Variants in SLC47A2 observed in about 807,000 individuals in gnomAD.
SLC47A2 encodes the protein multidrug and toxin extrusion protein 2.
In SLC47A2, 52 loss-of-function variants were observed where a neutral mutation model predicts 67.7. The observed-to-expected ratio is 0.77, with a 90% CI of 0.61 to 0.97. The LOEUF (loss-of-function observed/expected upper bound fraction) is 0.97. Ranked by LOEUF, SLC47A2 falls within the 50% of genes least tolerant of loss-of-function variation. SLC47A2 has a pLI of 0.00. For missense variants in SLC47A2, 676 were observed against 712.3 expected (o/e 0.95, Z 0.58); for synonymous variants, 278 against 292.9 (o/e 0.95, Z 0.52).
chr17:19,701,015 A>G (rs1338558237), intron 13 of SLC47A2, among the ~76,000 whole-genome samples: 1 of 151,644 alleles, frequency 6.6e-6, no homozygotes, highest in Non-Finnish European at 1.5e-5. Flanking sequence ...TAAAAATACA[A>G]AAATTAGCCA....
intron 13 of SLC47A2, among the ~76,000 whole-genome samples, chr17:19,686,262 C>CAAAT: frequency 6.6e-6 from 1 of 152,080 alleles, no homozygotes. Flanking sequence ...GACCCTGTCT[C>CAAAT]AAATAAATAA....
At chr17:19,706,553 C>T (rs2085940758) in intron 9 of SLC47A2, 95 bp downstream of exon 9, 1 of 1,024,394 alleles carries the variant, frequency 9.8e-7, no homozygotes, top group Non-Finnish European at 1.4e-6. Flanking sequence ...GGGGAGGGGG[C>T]TTCTGGGATG....
chr17:19,707,601 A>C, intron 8 of SLC47A2, 145 bp downstream of exon 8: 1 of 647,376 alleles, frequency 1.5e-6, no homozygotes, highest in Non-Finnish European at 2.6e-6. Context: ...TGGGGAAGCA[A>C]AGGGGAAGGA....
intron 13 of SLC47A2, among the ~76,000 whole-genome samples, chr17:19,699,074 T>C (rs1157823966): frequency 1.3e-5 from 2 of 152,094 alleles, no homozygotes; most frequent in African/African-American, 2.4e-5. Flanking sequence ...AATGATTCTA[T>C]TGGTGAAAGA....
At chr17:19,692,849 C>T (rs184474251) in intron 13 of SLC47A2, among the ~76,000 whole-genome samples, 40 of 152,216 alleles carry the variant, frequency 2.6e-4, no homozygotes, top group Admixed American at 5.9e-4. Context: ...GAGGTTTATC[C>T]GGGCCAGGCG....
In SLC47A2 at chr17:19,679,961, G is replaced by T; in HGVS notation, c.1471C>A (p.Leu491Ile). The change falls in exon 16 of 17, where the codon CTA becomes ATA. Residue 491 changes from leucine to isoleucine, a missense_variant. Physicochemically the swap from Leu to Ile is conservative, Grantham distance 5. Transcript: ENST00000433844. ...GCGGTGACAGTATTACCTGAAGATA[G>T]GACTGCTTTCTCAGGCCCAGGTCTG... Reference protein sequence around the residue: ...ATRPGPEKAVLSSVATGSSPG... With the variant: ...ATRPGPEKAVISSVATGSSPG... 10 of 1,613,612 alleles carry T rather than the reference G, an allele frequency of 6.2e-6. No homozygotes were observed. Among genetic ancestry groups the T allele is most frequent in the Non-Finnish European group, 8.5e-6 (10 of 1,179,816 alleles).
chr17:19,685,176 C>T lies in SLC47A2; in HGVS notation c.1165-3506G>A, dbSNP rs1167950840. ...TGTTGCCCAGGCTGGAGTGCAGTGGCGTGATCTCGGCTTGCTACAACCTCC... is the reference window on the plus strand; with the variant it reads ...TGTTGCCCAGGCTGGAGTGCAGTGGTGTGATCTCGGCTTGCTACAACCTCC... On this transcript the variant is annotated intron_variant, in intron 13 of 16. Transcript: ENST00000433844. This position sits in a 1 kb window ranked among gnomAD's most constrained non-coding sequence, Gnocchi z 4.5. 6.6e-6 allele frequency among the ~76,000 whole-genome samples: 1 copy of T among 152,112 alleles called. No homozygotes were observed. The highest frequency in any genetic ancestry group is 1.5e-5 in the Non-Finnish European group (1 of 68,022).
At position 19,680,026 on chromosome 17, in the gene SLC47A2, G is replaced by C. The variant is rs138877791; in HGVS notation, c.1406C>G (p.Ser469Ter). The C allele has an allele frequency of 1.4e-5, 22 of 1,613,830 alleles. No individual in the cohort carries two copies. The African/African-American group carries it at 2.8e-4, about 21-fold the overall frequency. The change falls in exon 16 of 17, where the codon TCA (serine) becomes TGA (stop). Residue 469 changes from serine to a stop codon, truncating the protein, a stop_gained. Transcript: ENST00000433844. LOFTEE classifies it high-confidence loss of function. The part of the protein sequence containing the change: ...KLAAEEAKKH[S>*]GRQQQQRAES... ...TGCTCTCTGCTGCTGCTGCCGGCCT[G>C]AATGTTTCTTAGCCTAAAGGAGAAA...
In SLC47A2 at chr17:19,678,523, C is replaced by T; in HGVS notation, c.*163G>A. The T allele has an allele frequency of 1.5e-6, 1 of 678,548 alleles. No homozygotes were observed. The highest frequency in any genetic ancestry group is 2.5e-6 in the Non-Finnish European group (1 of 396,652). 42.0% of individuals were successfully genotyped at this position (678,548 alleles called of 1,614,324 possible). A position where few individuals can be genotyped will look rare whatever the true frequency, so the allele number is the denominator to read the frequency against. On this transcript the variant is annotated 3_prime_UTR_variant, in exon 17 of 17. Transcript: ENST00000433844. Reference sequence around the variant, plus strand: ...CAGAATTGTCAAGTCTGTTCAGACCCCTCTGAGTGTCACCACAAGGAATCA... The same window carrying T: ...CAGAATTGTCAAGTCTGTTCAGACCTCTCTGAGTGTCACCACAAGGAATCA...
At chr17:19,712,780 G>C in intron 4 of SLC47A2, 35 bp from the exon 5 acceptor site, 1 of 1,606,372 alleles carries the variant, frequency 6.2e-7, no homozygotes, top group South Asian at 1.1e-5. Context: ...AGCTGACCAG[G>C]CTGTGGCCCG....
Position 19,680,055 on chromosome 17 carries a change from C to G in SLC47A2, c.1393-16G>C, listed in dbSNP as rs369423294. 2.8e-4 allele frequency: 444 copies of G among 1,612,168 alleles called. No individual in the cohort carries two copies. Among genetic ancestry groups the G allele is most frequent in the Non-Finnish European group, 3.6e-4 (425 of 1,179,320 alleles). Reference sequence around the variant, plus strand: ...GTTTCTTAGCCTAAAGGAGAAAGAACTCAATTGGGTCAACCTGCCAGCTCA... The same window carrying G: ...GTTTCTTAGCCTAAAGGAGAAAGAAGTCAATTGGGTCAACCTGCCAGCTCA... On this transcript the variant is annotated splice_polypyrimidine_tract_variant and intron_variant, in intron 15 of 16. Coordinates refer to ENST00000433844, the MANE Select transcript of SLC47A2 (RefSeq NM_001099646.3).
upstream of SLC47A2, chr17:19,716,879 T>A (rs754630775): frequency 5.4e-5 from 15 of 279,058 alleles, no homozygotes; most frequent in Non-Finnish European, 1.0e-4. Context: ...CTGCAGTGGC[T>A]GTGGGAGGTG....
chr17:19,712,602 T>G, intron 5 of SLC47A2, 101 bp downstream of exon 5: 1 of 1,296,778 alleles, frequency 7.7e-7, no homozygotes, highest in Non-Finnish European at 1.1e-6. Context: ...CAGCAGGAAG[T>G]CACAGCAGGA....
At chr17:19,681,923 C>A (rs563707604) in intron 13 of SLC47A2, among the ~76,000 whole-genome samples, 2 of 152,322 alleles carry the variant, frequency 1.3e-5, no homozygotes, top group Admixed American at 1.3e-4. Context: ...ACTGCCACAC[C>A]ATATGGCCTC....
rs772143428 is a variant in SLC47A2 at position 19,705,472 on chromosome 17, C to A, written c.873G>T (p.Gln291His). The A allele has an allele frequency of 1.6e-4, 257 of 1,611,800 alleles. No homozygotes were observed. Among genetic ancestry groups the A allele is most frequent in the Admixed American group, 3.5e-4 (21 of 59,792 alleles). Residue 291 changes from glutamine (Q) to histidine (H), a missense_variant, in exon 10 of 17, where the codon CAG becomes CAT. By Grantham distance (24) the Gln-to-His change is conservative. Coordinates refer to ENST00000433844, the MANE Select transcript of SLC47A2 (RefSeq NM_001099646.3). ...GLLSVVDLSA[Q>H]AVIYEVATVT... ...CAGTGGCCACCTCGTAGATGACAGC[C>A]TGGGCAGAGAGATCCACCACACTGA...
intron 5 of SLC47A2, among the ~76,000 whole-genome samples, chr17:19,708,994 G>A (rs2086024701): frequency 6.6e-6 from 1 of 152,232 alleles, no homozygotes; most frequent in Non-Finnish European, 1.5e-5. Flanking sequence ...CAGGGGAGAT[G>A]AGCAGGCATG....
At chr17:19,701,642 T>C (rs1234223413) in intron 13 of SLC47A2, among the ~76,000 whole-genome samples, 2 of 152,224 alleles carry the variant, frequency 1.3e-5, no homozygotes, top group Non-Finnish European at 2.9e-5. Flanking sequence ...TTCTGCTTAT[T>C]AAGCAAGAGT....
intron 13 of SLC47A2, among the ~76,000 whole-genome samples, chr17:19,692,853 C>T (rs1221762316): frequency 6.6e-6 from 1 of 152,118 alleles, no homozygotes; most frequent in Non-Finnish European, 1.5e-5. Flanking sequence ...TTTATCCGGG[C>T]CAGGCGCAGT....
intron 13 of SLC47A2, among the ~76,000 whole-genome samples, chr17:19,683,685 TA>T (rs1007155404): frequency 1.3e-5 from 2 of 152,032 alleles, no homozygotes; most frequent in African/African-American, 4.8e-5. Context: ...CAGAAGAAAG[TA>T]AAAGCCAGGA....
Sources: allele counts gnomAD v4.1 joint callset (sites outside exome capture counted in the v4.1 genomes callset), GRCh38; gene constraint gnomAD v4.1.1; non-coding constraint Gnocchi (gnomAD v3.1); transcripts MANE v1.5; gene names NCBI Gene and HGNC (gene_info 2026-07-23, HGNC 2026-07-21).